The following CEMIP2 variants were observed in gnomAD, a reference collection of about 807,000 sequenced individuals.
CEMIP2 encodes the protein cell surface hyaluronidase CEMIP2.
A neutral mutation model predicts 146.9 loss-of-function variants in CEMIP2; 79 were observed. That is an observed-to-expected ratio of 0.54 (90% CI 0.45 to 0.65). The LOEUF (loss-of-function observed/expected upper bound fraction) is 0.65, where lower values mean the gene tolerates loss of function less well. CEMIP2 is among the 30% of genes least tolerant of loss of function. The pLI is 0.00. For missense variants in CEMIP2, 1,596 were observed against 1,696.2 expected, an observed-to-expected ratio of 0.94 and a Z score of 1.04; for synonymous variants, 601 against 606.3, an observed-to-expected ratio of 0.99 and a Z score of 0.13.
intron 1 of CEMIP2, among the ~76,000 whole-genome samples, chr9:71,756,714 T>C (rs1824472625): frequency 6.6e-6 from 1 of 152,106 alleles, no homozygotes; most frequent in South Asian, 2.1e-4. Flanking sequence ...TCTTATAAAA[T>C]GCAATTCTAG....
Position 71,684,954 on chromosome 9 carries a change from A to G in CEMIP2, c.*243T>C, listed in dbSNP as rs1822009335. 2 of 430,812 alleles carry G rather than the reference A, an allele frequency of 4.6e-6. No homozygotes were observed. The highest frequency in any genetic ancestry group is 8.2e-6 in the Non-Finnish European group (2 of 244,346). The allele number at this position is 430,812 out of a possible 1,614,324, so 26.7% of individuals were successfully genotyped here. A position where few individuals can be genotyped will look rare whatever the true frequency, so the allele number is the denominator to read the frequency against. ...AATACGGGGGTGGAAAGTGAGGAATAAGAGATCTGCTCTCTGAATACACCA... is the reference window on the plus strand; with the variant it reads ...AATACGGGGGTGGAAAGTGAGGAATGAGAGATCTGCTCTCTGAATACACCA... On this transcript the variant is annotated 3_prime_UTR_variant, in exon 24 of 24. Coordinates refer to ENST00000377044, the MANE Select transcript of CEMIP2 (RefSeq NM_013390.3).
At chr9:71,687,462 C>CTCTGTGTGTGTGTGTG (rs148162501) in intron 22 of CEMIP2, 14 of 141,328 alleles carry the variant, frequency 9.9e-5, no homozygotes, top group African/African-American at 3.9e-4. Flanking sequence ...TATTTATTTT[C>CTCTGTGTGTGTGTGTG]TGTGTGTGTG....
At chr9:71,762,879 G>C (rs906893286) in intron 1 of CEMIP2, among the ~76,000 whole-genome samples, 10 of 152,008 alleles carry the variant, frequency 6.6e-5, no homozygotes, top group African/African-American at 2.4e-4. Context: ...GGGCATGGTG[G>C]TGCATGCCTG....
chr9:71,722,377 T>G, intron 12 of CEMIP2, 50 bp downstream of exon 12: 1 of 1,432,680 alleles, frequency 7.0e-7, no homozygotes, highest in East Asian at 2.3e-5. Flanking sequence ...TTAGAAAGTT[T>G]TGCTTTGGCA....
intron 1 of CEMIP2, among the ~76,000 whole-genome samples, chr9:71,764,153 T>C (rs1824718259): frequency 6.6e-6 from 1 of 152,218 alleles, no homozygotes; most frequent in Non-Finnish European, 1.5e-5. Context: ...ACATCTACAG[T>C]ACTTTAAATT....
intron 5 of CEMIP2, among the ~76,000 whole-genome samples, chr9:71,736,703 G>A (rs1242675721): frequency 1.3e-5 from 2 of 152,128 alleles, no homozygotes; most frequent in Non-Finnish European, 2.9e-5. Flanking sequence ...TAACATTCAT[G>A]ATATAATCTG....
chr9:71,695,370 C>T (rs1822364161), intron 20 of CEMIP2, among the ~76,000 whole-genome samples: 1 of 152,134 alleles, frequency 6.6e-6, no homozygotes, highest in South Asian at 2.1e-4. Context: ...ATGTTAAAAA[C>T]TTCCCTGCAA....
At chr9:71,690,366 G>T in intron 21 of CEMIP2, 120 bp from the exon 22 acceptor site, 1 of 1,265,380 alleles carries the variant, frequency 7.9e-7, no homozygotes, top group Non-Finnish European at 1.1e-6. Flanking sequence ...ATATTTCCAA[G>T]ATTCAAATTG....
rs73647008 is a variant in CEMIP2 at position 71,729,835 on chromosome 9, C to T, written c.2049+10G>A. On this transcript the variant is annotated intron_variant, in intron 10 of 23. Transcript: ENST00000377044. ...ATTAAAACATCTGAGGTCACTTTAA[C>T]GTTATTTACCTGTGAGCCTGCAGCT... 1.9e-3 allele frequency: 3,116 copies of T among 1,612,920 alleles called. 55 individuals carry two copies. The African/African-American group carries it at 0.036, about 19-fold the overall frequency.
intron 21 of CEMIP2, 131 bp downstream of exon 21, chr9:71,694,378 C>T: frequency 1.6e-6 from 1 of 642,226 alleles, no homozygotes; most frequent in Non-Finnish European, 2.8e-6. Context: ...CCACCTTGGC[C>T]TCCCAAAGTG....
intron 18 of CEMIP2, chr9:71,704,351 G>C: frequency 1.9e-6 from 1 of 514,830 alleles, no homozygotes; most frequent in East Asian, 3.5e-5. Context: ...AAAACCTATC[G>C]TTGAATGGCT....
chr9:71,690,073 C>T lies in CEMIP2; in HGVS notation c.3851+19G>A, dbSNP rs1312826622. On this transcript the variant is annotated intron_variant, in intron 22 of 23. Coordinates refer to ENST00000377044, the MANE Select transcript of CEMIP2 (RefSeq NM_013390.3). ...TCTTTAAGGTGGCTTTTCCCTGTTA[C>T]AGCACAAGCTTGACCTACCTTGGAG... is the stretch of plus-strand genomic sequence containing the variant. The T allele has an allele frequency of 3.1e-6, 5 of 1,610,066 alleles. No individual in the cohort carries two copies. The South Asian group carries it at 3.3e-5, about 11-fold the overall frequency.
At chr9:71,706,236 A>C (rs959919826) in intron 17 of CEMIP2, among the ~76,000 whole-genome samples, 2 of 129,342 alleles carry the variant, frequency 1.5e-5, no homozygotes, top group African/African-American at 7.4e-5. Context: ...TCTCAAAAAA[A>C]AAGGAAAAAA....
intron 8 of CEMIP2, 25 bp from the exon 9 acceptor site, chr9:71,730,278 G>C (rs779032208): frequency 1.3e-6 from 2 of 1,598,596 alleles, no homozygotes; most frequent in South Asian, 2.2e-5. Context: ...GTATATTAAT[G>C]TCATTGGTAA....
At chr9:71,769,190 G>C (rs896330865), upstream of CEMIP2, among the ~76,000 whole-genome samples, 2 of 152,200 alleles carry the variant, frequency 1.3e-5, no homozygotes, top group African/African-American at 2.4e-5. Context: ...AGCACCCCCA[G>C]ATAAGGCTGG....
intron 5 of CEMIP2, among the ~76,000 whole-genome samples, chr9:71,739,766 AT>A (rs575955683): frequency 1.1e-4 from 16 of 149,750 alleles, no homozygotes; most frequent in African/African-American, 2.2e-4. Context: ...ACATTATGAG[AT>A]TTTTTTTTTA....
chr9:71,756,141 G>A (rs1225734752), intron 1 of CEMIP2, among the ~76,000 whole-genome samples: 1 of 149,188 alleles, frequency 6.7e-6, no homozygotes, highest in African/African-American at 2.5e-5. Flanking sequence ...CTCAACAAAT[G>A]ATTGTTGAAT....
At chr9:71,696,817 T>G (rs1822417256) in intron 20 of CEMIP2, among the ~76,000 whole-genome samples, 1 of 151,742 alleles carries the variant, frequency 6.6e-6, no homozygotes, top group African/African-American at 2.4e-5. Context: ...ACTTATACAT[T>G]CTAGTGGGAA....
chr9:71,697,515 A>G (rs1318418520), intron 20 of CEMIP2, among the ~76,000 whole-genome samples: 3 of 152,200 alleles, frequency 2.0e-5, no homozygotes, highest in Non-Finnish European at 1.5e-5. Context: ...AATTACAGAT[A>G]GATATAATAG....
Sources: allele counts gnomAD v4.1 joint callset (sites outside exome capture counted in the v4.1 genomes callset), GRCh38; gene constraint gnomAD v4.1.1; transcripts MANE v1.5; gene names NCBI Gene and HGNC (gene_info 2026-07-23, HGNC 2026-07-21).